The following PSMC1 variants were observed in gnomAD, a reference collection of about 807,000 sequenced individuals.
The protein encoded by PSMC1 is 26S proteasome regulatory subunit 4.
Under a neutral mutation model 49.8 loss-of-function variants are expected in PSMC1, and 5 were observed. The ratio of observed to expected loss-of-function variants is 0.10; its 90% CI spans 0.05 to 0.21. PSMC1 has a LOEUF of 0.21. PSMC1 is among the 10% of genes least tolerant of loss of function. The pLI is 1.00. For missense variants in PSMC1, 181 were observed against 535.7 expected, an observed-to-expected ratio of 0.34 and a Z score of 6.54; for synonymous variants, 155 against 192.1, an observed-to-expected ratio of 0.81 and a Z score of 1.60.
intron 10 of PSMC1, chr14:90,270,669 A>G (rs892408359): frequency 3.2e-5 from 7 of 220,298 alleles, no homozygotes; most frequent in Non-Finnish European, 6.2e-5. Flanking sequence ...GGGGAAGGGT[A>G]TGTCCTGGGA....
At chr14:90,271,122 C>T (rs1306973948) in intron 10 of PSMC1, 3 of 152,320 alleles carry the variant, frequency 2.0e-5, no homozygotes, top group Non-Finnish European at 4.4e-5. Context: ...AACAATAGCA[C>T]AGTGATTTGC....
chr14:90,263,838 C>T lies in PSMC1; in HGVS notation c.456C>T (p.Leu152=). 1 of 1,614,146 alleles carries T rather than the reference C, an allele frequency of 6.2e-7. No individual in the cohort carries two copies. Among genetic ancestry groups the T allele is most frequent in the Non-Finnish European group, 8.5e-7 (1 of 1,179,980 alleles). Residue 152 remains leucine, a synonymous_variant, in exon 5 of 11, where the codon CTC becomes CTT. Transcript: ENST00000261303. ...TGGAACCTGGCTGCTCGGTCCTGCT[C>T]AACCACAAGGTGAGGTGATAGTCTT... ...DLLEPGCSVL[L]NHKVHAVIGV...
intron 9 of PSMC1, 75 bp downstream of exon 9, chr14:90,269,623 TATAAA>T: frequency 6.7e-7 from 1 of 1,488,124 alleles, no homozygotes; most frequent in Non-Finnish European, 9.1e-7. Context: ...TTGGGAGGCC[TATAAA>T]ATGATACATA....
intron 3 of PSMC1, among the ~76,000 whole-genome samples, chr14:90,260,654 C>T (rs900676873): frequency 1.3e-5 from 2 of 152,118 alleles, no homozygotes; most frequent in African/African-American, 2.4e-5. Flanking sequence ...ATGGCATGAA[C>T]CCGGGAGGCG....
chr14:90,268,476 A>C, intron 8 of PSMC1, 63 bp downstream of exon 8: 4 of 1,517,306 alleles, frequency 2.6e-6, no homozygotes, highest in Non-Finnish European at 3.6e-6. Flanking sequence ...TCTTCTCTTG[A>C]GAATGAGCAA....
chr14:90,267,899 T>A (rs1034106359), intron 7 of PSMC1: 1 of 220,260 alleles, frequency 4.5e-6, no homozygotes, highest in African/African-American at 2.3e-5. Context: ...AATGAAGCAA[T>A]TCTTCGTACA....
At chr14:90,257,695 C>T (rs780108158) in intron 1 of PSMC1, among the ~76,000 whole-genome samples, 3 of 152,056 alleles carry the variant, frequency 2.0e-5, no homozygotes, top group Non-Finnish European at 2.9e-5. Context: ...CGGGTTCAAG[C>T]GATTCTCCTG....
chr14:90,265,343 GAAA>G (rs34260220), intron 7 of PSMC1, among the ~76,000 whole-genome samples, 177 bp downstream of exon 7: 1 of 126,826 alleles, frequency 7.9e-6, no homozygotes, highest in Non-Finnish European at 1.7e-5. Flanking sequence ...AATACTGATG[GAAA>G]AAAAAAAAAA....
intron 3 of PSMC1, among the ~76,000 whole-genome samples, chr14:90,261,522 G>A (rs1223745565): frequency 2.0e-5 from 3 of 152,208 alleles, no homozygotes; most frequent in Non-Finnish European, 4.4e-5. Context: ...CTTCAGGTCT[G>A]TGGGGAATAG....
intron 9 of PSMC1, 59 bp from the exon 10 acceptor site, chr14:90,270,139 G>A: frequency 6.3e-7 from 1 of 1,588,126 alleles, no homozygotes; most frequent in South Asian, 1.1e-5. Flanking sequence ...AGGCCTCTGA[G>A]CCATGGCCGA....
chr14:90,270,084 C>A, intron 9 of PSMC1, 114 bp from the exon 10 acceptor site: 1 of 1,125,354 alleles, frequency 8.9e-7, no homozygotes, highest in Non-Finnish European at 1.2e-6. Flanking sequence ...ATCCTTCCCA[C>A]AGAATTCTGT....
intron 3 of PSMC1, among the ~76,000 whole-genome samples, chr14:90,261,759 C>A (rs1891402625): frequency 6.6e-6 from 1 of 151,428 alleles, no homozygotes; most frequent in African/African-American, 2.4e-5. Context: ...CCTCAAGGAT[C>A]TAGAACTAGA....
At chr14:90,270,709 C>T (rs1891638707) in intron 10 of PSMC1, 1 of 178,848 alleles carries the variant, frequency 5.6e-6, no homozygotes, top group Non-Finnish European at 1.2e-5. Context: ...AGAGTGGGGA[C>T]CAAGCACCCG....
rs1891687806 is a variant in PSMC1 at position 90,272,209 on chromosome 14, T to G, written c.1189-64T>G. The G allele has an allele frequency of 2.5e-6, 4 of 1,579,286 alleles. No homozygotes were observed. The African/African-American group carries it at 5.5e-5, about 22-fold the overall frequency. On this transcript the variant is annotated intron_variant, in intron 10 of 10. Transcript: ENST00000261303. This position sits in a 1 kb window ranked among gnomAD's most constrained non-coding sequence, Gnocchi z 4.5. ...GCGCCTGGCCTCAGAATAGGTTTTTTGGAATTCCTTGTTAGAATAAAAATG... is the reference window on the plus strand; with the variant it reads ...GCGCCTGGCCTCAGAATAGGTTTTTGGGAATTCCTTGTTAGAATAAAAATG...
At chr14:90,271,730 C>CTAA (rs1259093275) in intron 10 of PSMC1, 1 of 152,196 alleles carries the variant, frequency 6.6e-6, no homozygotes, top group African/African-American at 2.4e-5. Context: ...AACCCACAGC[C>CTAA]CTGACCCTTG....
In PSMC1 at chr14:90,270,307, C is replaced by T. The variant is rs150699564; in HGVS notation, c.1143C>T (p.Asp381=). The part of the protein sequence containing the change: ...RMTLADDVTL[D]DLIMAKDDLS... The stretch of plus-strand genomic sequence containing the variant: ...CGCTGGCTGATGATGTAACCCTGGA[C>T]GACCTGATCATGGCTAAAGATGACC... Residue 381 remains aspartate, a synonymous_variant, in exon 10 of 11, where the codon GAC becomes GAT. Coordinates refer to ENST00000261303, the MANE Select transcript of PSMC1 (RefSeq NM_002802.3). 19 of 1,613,556 alleles carry T rather than the reference C, an allele frequency of 1.2e-5. No individual in the cohort carries two copies. The highest frequency in any genetic ancestry group is 4.5e-5 in the East Asian group (2 of 44,834).
At chr14:90,265,444 A>G (rs1006914013) in intron 7 of PSMC1, among the ~76,000 whole-genome samples, 17 of 151,964 alleles carry the variant, frequency 1.1e-4, no homozygotes, top group Non-Finnish European at 2.2e-4. Flanking sequence ...TAATCCCAGT[A>G]CTTTGGGAGG....
In PSMC1 at chr14:90,263,654, A is replaced by C. The variant is rs1392158714; in HGVS notation, c.280-8A>C. The C allele has an allele frequency of 6.2e-7, 1 of 1,612,334 alleles. No homozygotes were observed. Among genetic ancestry groups the C allele is most frequent in the South Asian group, 1.1e-5 (1 of 91,032 alleles). On this transcript the variant is annotated splice_region_variant and splice_polypyrimidine_tract_variant and intron_variant, in intron 4 of 10. Transcript: ENST00000261303. ...TCTGCTTTTTTCCCTTGGCATTTTC[A>C]TATGTAGGAGGAAAGATCAAAAGTG...
At chr14:90,265,234 T>A (rs1891481162) in intron 7 of PSMC1, 68 bp downstream of exon 7, 1 of 1,102,480 alleles carries the variant, frequency 9.1e-7, no homozygotes, top group East Asian at 2.4e-5. Flanking sequence ...TGGCTAGTTA[T>A]AATTACTGAA....
Sources: gnomAD v4.1 joint callset for allele counts (sites outside exome capture counted in the v4.1 genomes callset) on GRCh38, gnomAD v4.1.1 for gene constraint, Gnocchi (gnomAD v3.1) non-coding constraint, MANE v1.5 for transcripts, NCBI Gene and HGNC (gene_info 2026-07-23, HGNC 2026-07-21) for gene names.